The following ANKRD13D variants were observed in gnomAD, a reference collection of about 807,000 sequenced individuals.
ANKRD13D encodes the protein ankyrin repeat domain-containing protein 13D.
ANKRD13D carries 24 observed loss-of-function variants against 68.8 expected under a neutral mutation model. That is an observed-to-expected ratio of 0.35 (90% CI 0.25 to 0.49). ANKRD13D has a LOEUF of 0.49. ANKRD13D is among the 20% of genes least tolerant of loss of function. The pLI is 0.99. For synonymous variants in ANKRD13D, 331 were observed against 336.1 expected, an observed-to-expected ratio of 0.98 and a Z score of 0.16; for missense variants, 735 against 832.1, an observed-to-expected ratio of 0.88 and a Z score of 1.44.
intron 6 of ANKRD13D, among the ~76,000 whole-genome samples, chr11:67,292,945 G>C (rs1182881738): frequency 6.6e-6 from 1 of 152,118 alleles, no homozygotes; most frequent in African/African-American, 2.4e-5. Context: ...CTTTCACTTA[G>C]TATAATATAT....
rs770374398 is a variant in ANKRD13D, at chr11:67,290,433, A to G, written c.338A>G (p.Asn113Ser). 96 of 1,585,376 alleles carry G rather than the reference A, an allele frequency of 6.1e-5. No homozygotes were observed. Among genetic ancestry groups the G allele is most frequent in the Non-Finnish European group, 8.0e-5 (93 of 1,167,292 alleles). ...CTGGCGGGCATTCCGGAACTGCTCA[A>G]CAAACTTCGCCAGGTACAGCAGGGC... ...QRLAGIPELL[N>S]KLRQAPDFYV... The change falls in exon 3 of 15, where the codon AAC (asparagine) becomes AGC (serine). Residue 113 changes from asparagine (N) to serine (S), a missense_variant. Asn to Ser is a conservative substitution (Grantham distance 46, BLOSUM62 1). Transcript: ENST00000511455.
intron 3 of ANKRD13D, 28 bp from the exon 4 acceptor site, chr11:67,291,448 G>A (rs201756469): frequency 1.7e-5 from 27 of 1,611,550 alleles, no homozygotes; most frequent in African/African-American, 1.1e-4. Flanking sequence ...CAGGCAGGGC[G>A]CTGACAAGCA....
Position 67,291,478 on chromosome 11 carries a change from C to T in ANKRD13D, c.354C>T (p.Ala118=), listed in dbSNP as rs369588660. 1.2e-5 allele frequency: 19 copies of T among 1,613,754 alleles called. No individual in the cohort carries two copies. The African/African-American group carries it at 1.3e-4, about 11-fold the overall frequency. ...IPELLNKLRQ[A]PDFYVEMKWE... ...CAAGCAGCTCTGGTTTCTCTTAGGC[C>T]CCCGATTTCTACGTTGAGATGAAGT... is the stretch of plus-strand genomic sequence containing the variant. The change falls in exon 4 of 15, where the codon GCC becomes GCT. Residue 118 remains alanine (A), a splice_region_variant and synonymous_variant. Coordinates refer to ENST00000511455, the MANE Select transcript of ANKRD13D (RefSeq NM_207354.3).
intron 3 of ANKRD13D, chr11:67,291,132 C>T (rs1030076731): frequency 1.0e-5 from 3 of 288,634 alleles, no homozygotes; most frequent in African/African-American, 2.3e-5. Flanking sequence ...CCAAAGTGGG[C>T]GGATCACTTG....
rs1275370674 is a variant in ANKRD13D, at chr11:67,300,732, C to T, written c.1074-258C>T. ...CAGAGAGAAGCCCACAGCCTGGCAC[C>T]TGGCCTCCTTGTCCAGACCAGATGA... On this transcript the variant is annotated intron_variant, in intron 10 of 14. Transcript: ENST00000511455. This position sits in a 1 kb window ranked among gnomAD's most constrained non-coding sequence, Gnocchi z 4.3. 3 of 552,932 alleles carry T rather than the reference C, an allele frequency of 5.4e-6. No individual in the cohort carries two copies. The highest frequency in any genetic ancestry group is 6.0e-5 in the East Asian group (2 of 33,338). The allele number at this position is 552,932 out of a possible 1,614,324, so 34.3% of individuals were successfully genotyped here. A position where few individuals can be genotyped will look rare whatever the true frequency, so the allele number is the denominator to read the frequency against.
In ANKRD13D at chr11:67,299,480, G is replaced by C; in HGVS notation, c.799-50G>C. 2 of 1,461,974 alleles carry C rather than the reference G, an allele frequency of 1.4e-6. No individual in the cohort carries two copies. Among genetic ancestry groups the C allele is most frequent in the Non-Finnish European group, 1.9e-6 (2 of 1,068,604 alleles). 90.6% of individuals were successfully genotyped at this position (1,461,974 alleles called of 1,614,324 possible). ...GGGTTCTGCACTGGTGAGGCTGAGT[G>C]TGGGGAGCAGGCTCTGAGCCCCCAG... On this transcript the variant is annotated intron_variant, in intron 7 of 14. Coordinates refer to ENST00000511455, the MANE Select transcript of ANKRD13D (RefSeq NM_207354.3). This position sits in a 1 kb window ranked among gnomAD's most constrained non-coding sequence, Gnocchi z 6.2.
chr11:67,294,054 G>T (rs1860676148), intron 6 of ANKRD13D, among the ~76,000 whole-genome samples: 1 of 152,064 alleles, frequency 6.6e-6, no homozygotes, highest in African/African-American at 2.4e-5. Flanking sequence ...AGATAAATTG[G>T]TTACTTTCTG....
chr11:67,293,442 A>G (rs987155123), intron 6 of ANKRD13D, among the ~76,000 whole-genome samples: 4 of 152,178 alleles, frequency 2.6e-5, no homozygotes, highest in African/African-American at 7.2e-5. Flanking sequence ...TTATTGGTCA[A>G]TTGTATATCT....
chr11:67,301,755 C>T lies in ANKRD13D; in HGVS notation c.1536C>T (p.Thr512=), dbSNP rs1861009160. ...AGGTGACCGTCTGGGAAGCCCTGAC[C>T]AACACCCGGCCCGGTGCCCGCCCTC... ...AEQVTVWEAL[T]NTRPGARPPP... The change falls in exon 14 of 15, where the codon ACC becomes ACT. Residue 512 remains threonine (T), a synonymous_variant. Coordinates refer to ENST00000511455, the MANE Select transcript of ANKRD13D (RefSeq NM_207354.3). The surrounding 1 kb of genome is among the most constrained non-coding windows in gnomAD (Gnocchi z 4.5). 9 of 1,611,174 alleles carry T rather than the reference C, an allele frequency of 5.6e-6. No homozygotes were observed. Among genetic ancestry groups the T allele is most frequent in the Non-Finnish European group, 6.8e-6 (8 of 1,179,456 alleles).
At chr11:67,296,877 C>G (rs561342169) in intron 6 of ANKRD13D, among the ~76,000 whole-genome samples, 6 of 152,242 alleles carry the variant, frequency 3.9e-5, no homozygotes, top group Admixed American at 3.3e-4. Flanking sequence ...CTGCCTTGGC[C>G]TCCCAAAGCA....
chr11:67,292,326 C>G, intron 6 of ANKRD13D, 146 bp downstream of exon 6: 1 of 979,660 alleles, frequency 1.0e-6, no homozygotes, highest in Non-Finnish European at 1.4e-6. Context: ...TGGGTTGCTG[C>G]AGCCCGTGTC....
In ANKRD13D at chr11:67,300,288, T is replaced by C; in HGVS notation, c.1073+165T>C. The C allele has an allele frequency of 1.0e-6, 1 of 961,184 alleles. No individual in the cohort carries two copies. Among genetic ancestry groups the C allele is most frequent in the Non-Finnish European group, 1.5e-6 (1 of 671,662 alleles). The allele number at this position is 961,184 out of a possible 1,614,324, so 59.5% of individuals were successfully genotyped here. A position where few individuals can be genotyped will look rare whatever the true frequency, so the allele number is the denominator to read the frequency against. On this transcript the variant is annotated intron_variant, in intron 10 of 14. Transcript: ENST00000511455. This position sits in a 1 kb window ranked among gnomAD's most constrained non-coding sequence, Gnocchi z 4.3. ...CTGCCTTATCCATGGTCCTCAGCCC[T>C]TAGCAAGGGGCTTGGCACAGAAAAC...
chr11:67,295,125 A>T (rs1248752394), intron 6 of ANKRD13D, among the ~76,000 whole-genome samples: 1 of 152,058 alleles, frequency 6.6e-6, no homozygotes, highest in Non-Finnish European at 1.5e-5. Context: ...TATTGATTAA[A>T]GGTTGTTAGA....
Position 67,302,379 on chromosome 11 carries a change from G to C in ANKRD13D, c.*47G>C, listed in dbSNP as rs1224404513. The C allele has an allele frequency of 9.0e-6, 13 of 1,447,340 alleles. No homozygotes were observed. The highest frequency in any genetic ancestry group is 1.1e-5 in the Non-Finnish European group (12 of 1,095,010). The allele number at this position is 1,447,340 out of a possible 1,614,324, so 89.7% of individuals were successfully genotyped here. A position where few individuals can be genotyped will look rare whatever the true frequency, so the allele number is the denominator to read the frequency against. On this transcript the variant is annotated 3_prime_UTR_variant, in exon 15 of 15. Transcript: ENST00000511455. ...GCCAGGCCACTCCCTGCCCGCTTTT[G>C]TAATTTATTTATTTATAAACTCTCT... is the stretch of plus-strand genomic sequence containing the variant.
intron 3 of ANKRD13D, 77 bp downstream of exon 3, chr11:67,290,523 G>A (rs1046012434): frequency 6.7e-7 from 1 of 1,489,194 alleles, no homozygotes. Flanking sequence ...GCCTGGCCTT[G>A]GAAAGGCACC....
chr11:67,292,089 G>A lies in ANKRD13D; in HGVS notation c.640G>A (p.Ala214Thr), dbSNP rs750860874. ...TLQEPETLLA[A>T]MRPSEEHVAS... Reference sequence around the variant, plus strand: ...GCAGGAGCCCGAAACACTGCTGGCCGCCATGCGGCCCAGCGAGGAGCATGT... The same window carrying A: ...GCAGGAGCCCGAAACACTGCTGGCCACCATGCGGCCCAGCGAGGAGCATGT... Residue 214 changes from alanine to threonine, a missense_variant, in exon 6 of 15, where the codon GCC becomes ACC. Transcript: ENST00000511455. 5.6e-6 allele frequency: 9 copies of A among 1,612,230 alleles called. No homozygotes were observed. In the South Asian group the frequency reaches 6.6e-5, roughly 12 times the overall value.
rs565482850 is a variant in ANKRD13D, at chr11:67,296,904, G to C, written c.732-2154G>C. On this transcript the variant is annotated intron_variant, in intron 6 of 14. Coordinates refer to ENST00000511455, the MANE Select transcript of ANKRD13D (RefSeq NM_207354.3). ...CCCAAAGCACTGACATTACAGGTGTGAACCACCGCCCCCAGCCAAGTCTTC... is the reference window on the plus strand; with the variant it reads ...CCCAAAGCACTGACATTACAGGTGTCAACCACCGCCCCCAGCCAAGTCTTC... Among the ~76,000 whole-genome samples the C allele has an allele frequency of 5.3e-5, 8 of 152,194 alleles. No homozygotes were observed. The South Asian group carries it at 1.5e-3, about 28-fold the overall frequency.
intron 1 of ANKRD13D, 183 bp from the exon 2 acceptor site, chr11:67,289,895 G>A (rs1473822409): frequency 7.0e-7 from 1 of 1,435,444 alleles, no homozygotes; most frequent in Non-Finnish European, 9.1e-7. Context: ...CCCCGGCTCT[G>A]CCCCTGCCTT....
rs1399845953 is a variant in ANKRD13D, at chr11:67,301,504, C to T, written c.1365C>T (p.Cys455=). 7 of 1,612,788 alleles carry T rather than the reference C, an allele frequency of 4.3e-6. No individual in the cohort carries two copies. In the South Asian group the frequency reaches 4.4e-5, roughly 10 times the overall value. Residue 455 remains cysteine (C), a synonymous_variant, in exon 13 of 15, where the codon TGC becomes TGT. Coordinates refer to ENST00000511455, the MANE Select transcript of ANKRD13D (RefSeq NM_207354.3). This position sits in a 1 kb window ranked among gnomAD's most constrained non-coding sequence, Gnocchi z 4.5. The stretch of plus-strand genomic sequence containing the variant: ...CCTGCCTAGGGAACCCTTTCCCGTG[C>T]GAGGTGGACCCCACCGTGTTTGAAG... The part of the protein sequence containing the change: ...AVAASGNPFP[C]EVDPTVFEVP...
Sources: allele counts gnomAD v4.1 joint callset (sites outside exome capture counted in the v4.1 genomes callset), GRCh38; gene constraint gnomAD v4.1.1; non-coding constraint Gnocchi (gnomAD v3.1); transcripts MANE v1.5; gene names NCBI Gene and HGNC (gene_info 2026-07-23, HGNC 2026-07-21).